HSPA4: variants seen among roughly 807,000 people sequenced by gnomAD.
HSPA4 encodes the protein heat shock 70 kDa protein 4.
A neutral mutation model predicts 106.2 loss-of-function variants in HSPA4; 25 were observed. That is an observed-to-expected ratio of 0.24 (90% CI 0.17 to 0.33). The LOEUF is 0.33. HSPA4 is among the 10% of genes least tolerant of loss of function. The pLI, the probability that HSPA4 is intolerant of heterozygous loss-of-function variation, is 1.00. For missense variants in HSPA4, 841 were observed against 996.0 expected (o/e 0.84, Z 2.10); for synonymous variants, 332 against 333.6 (o/e 1.00, Z 0.05).
intron 7 of HSPA4, among the ~76,000 whole-genome samples, chr5:133,080,871 C>G (rs2126706450): frequency 6.6e-6 from 1 of 152,216 alleles, no homozygotes; most frequent in Admixed American, 6.5e-5. Flanking sequence ...AATTCACATA[C>G]CATAAAACCT....
chr5:133,100,052 A>T (rs1482921811), intron 16 of HSPA4, among the ~76,000 whole-genome samples: 2 of 151,638 alleles, frequency 1.3e-5, no homozygotes, highest in African/African-American at 2.4e-5. Context: ...TTATTTATTT[A>T]TTATTTATTT....
At chr5:133,091,132 T>C (rs1473258172) in intron 11 of HSPA4, 61 bp from the exon 12 acceptor site, 4 of 1,330,068 alleles carry the variant, frequency 3.0e-6, no homozygotes, top group African/African-American at 1.4e-5. Context: ...TGTAGGCATA[T>C]ATTCATGCTT....
chr5:133,056,325 A>G (rs1049828981), intron 1 of HSPA4, among the ~76,000 whole-genome samples: 1 of 151,652 alleles, frequency 6.6e-6, no homozygotes, highest in African/African-American at 2.4e-5. Context: ...CCTTGTAAAT[A>G]ATAATAATGA....
chr5:133,094,108 T>C lies in HSPA4; in HGVS notation c.1650+1319T>C, dbSNP rs1765682713. Reference sequence around the variant, plus strand: ...CTCCATCTTAAAAAGTTATTTTAAATAATGGAATAATGGATTTAAATATAT... The same window carrying C: ...CTCCATCTTAAAAAGTTATTTTAAACAATGGAATAATGGATTTAAATATAT... On this transcript the variant is annotated intron_variant, in intron 13 of 18. Coordinates refer to ENST00000304858, the MANE Select transcript of HSPA4 (RefSeq NM_002154.4). Among the ~76,000 whole-genome samples, 6 of 152,342 alleles carry C rather than the reference T, an allele frequency of 3.9e-5. No individual in the cohort carries two copies. In the South Asian group the frequency reaches 1.2e-3, roughly 32 times the overall value.
chr5:133,091,466 T>C, intron 12 of HSPA4, 92 bp downstream of exon 12: 1 of 916,964 alleles, frequency 1.1e-6, no homozygotes, highest in Non-Finnish European at 1.7e-6. Flanking sequence ...GCCGGAGCAT[T>C]GTGACAGAGC....
intron 2 of HSPA4, among the ~76,000 whole-genome samples, chr5:133,065,663 C>G (rs1020637627): frequency 6.6e-5 from 10 of 152,192 alleles, no homozygotes; most frequent in African/African-American, 2.2e-4. Flanking sequence ...TTGGGCCTTT[C>G]ATCTTACTCA....
intron 10 of HSPA4, 49 bp from the exon 11 acceptor site, chr5:133,089,513 G>A (rs764799626): frequency 3.2e-6 from 5 of 1,575,394 alleles, no homozygotes; most frequent in African/African-American, 1.4e-5. Flanking sequence ...ATGGGTAAAA[G>A]TGTTAGGAAT....
At chr5:133,086,412 C>CT (rs1478067609) in intron 7 of HSPA4, among the ~76,000 whole-genome samples, 1 of 152,206 alleles carries the variant, frequency 6.6e-6, no homozygotes, top group African/African-American at 2.4e-5. Flanking sequence ...ATTAGTTCCT[C>CT]TTATTGTATT....
At chr5:133,068,075 G>GTA in intron 3 of HSPA4, among the ~76,000 whole-genome samples, 1 of 151,928 alleles carries the variant, frequency 6.6e-6, no homozygotes, top group Admixed American at 6.6e-5. Context: ...TGCATCTTTA[G>GTA]TAGAGACGGG....
chr5:133,083,914 C>T (rs1014731234), intron 7 of HSPA4, among the ~76,000 whole-genome samples: 1 of 152,058 alleles, frequency 6.6e-6, no homozygotes, highest in Non-Finnish European at 1.5e-5. Context: ...TTGCGGACAT[C>T]TATAAATGTA....
At position 133,103,918 on chromosome 5, in the gene HSPA4, C is replaced by T. The variant is rs1581484353; in HGVS notation, c.2211C>T (p.Ser737=). 3 of 1,613,834 alleles carry T rather than the reference C, an allele frequency of 1.9e-6. No homozygotes were observed. In the East Asian group the frequency reaches 6.7e-5, roughly 36 times the overall value. ...CTGACATGACAAAGGTAGAAAAAAGCACAAATGAAGCAATGGAGTGGATGA... is the reference window on the plus strand; with the variant it reads ...CTGACATGACAAAGGTAGAAAAAAGTACAAATGAAGCAATGGAGTGGATGA... The part of the protein sequence containing the change: ...DAADMTKVEK[S]TNEAMEWMNN... The change falls in exon 18 of 19, where the codon AGC becomes AGT. Residue 737 remains serine, a synonymous_variant. Transcript: ENST00000304858.
Position 133,052,365 on chromosome 5 carries a change from T to C in HSPA4, c.107+8T>C. 6.6e-7 allele frequency: 1 copy of C among 1,522,610 alleles called. No individual in the cohort carries two copies. Among genetic ancestry groups the C allele is most frequent in the South Asian group, 1.2e-5 (1 of 84,278 alleles). 94.3% of individuals were successfully genotyped at this position (1,522,610 alleles called of 1,614,324 possible). ...TAGCGACCGCTGCACGCCGTAAGTG[T>C]GGGCCGGGCCTGCCGCGTGCACTGG... On this transcript the variant is annotated splice_region_variant and intron_variant, in intron 1 of 18. Transcript: ENST00000304858.
intron 1 of HSPA4, 36 bp downstream of exon 1, chr5:133,052,393 T>G: frequency 7.5e-7 from 1 of 1,325,334 alleles, no homozygotes; most frequent in Non-Finnish European, 1.0e-6. Flanking sequence ...TGCACTGGGG[T>G]TAGGAGATAA....
At chr5:133,078,880 C>T (rs867287640) in intron 7 of HSPA4, among the ~76,000 whole-genome samples, 17 of 151,974 alleles carry the variant, frequency 1.1e-4, no homozygotes, top group African/African-American at 2.2e-4. Flanking sequence ...ACTACAGGCA[C>T]GTGCCACCAC....
At chr5:133,099,154 G>A (rs1765753112) in intron 15 of HSPA4, among the ~76,000 whole-genome samples, 1 of 151,206 alleles carries the variant, frequency 6.6e-6, no homozygotes, top group African/African-American at 2.4e-5. Context: ...TTTTGAAATG[G>A]AGCCTTGCTC....
At chr5:133,097,496 CA>C (rs1165685098) in intron 15 of HSPA4, among the ~76,000 whole-genome samples, 6 of 151,026 alleles carry the variant, frequency 4.0e-5, no homozygotes. Flanking sequence ...GTTCACAAAT[CA>C]CTTTTGACAC....
chr5:133,053,976 A>G (rs1312464663), intron 1 of HSPA4, among the ~76,000 whole-genome samples: 2 of 151,856 alleles, frequency 1.3e-5, no homozygotes, highest in South Asian at 2.1e-4. Context: ...GCTCAATTCT[A>G]AGGTCCATTA....
At chr5:133,093,276 G>T (rs1302740905) in intron 13 of HSPA4, among the ~76,000 whole-genome samples, 5 of 152,076 alleles carry the variant, frequency 3.3e-5, no homozygotes, top group African/African-American at 1.2e-4. Context: ...TTTGTAATGT[G>T]CTATTTGCAA....
chr5:133,085,783 G>T (rs539079755), intron 7 of HSPA4, among the ~76,000 whole-genome samples: 1 of 151,434 alleles, frequency 6.6e-6, no homozygotes, highest in East Asian at 1.9e-4. Context: ...TGAATAGTTG[G>T]AGCACAGGGA....
Sources: allele counts gnomAD v4.1 joint callset (sites outside exome capture counted in the v4.1 genomes callset), GRCh38; gene constraint gnomAD v4.1.1; transcripts MANE v1.5; gene names NCBI Gene and HGNC (gene_info 2026-07-23, HGNC 2026-07-21).